SLC22A24: variants seen among roughly 807,000 people sequenced by gnomAD.
The protein encoded by SLC22A24 is steroid transmembrane transporter SLC22A24.
In SLC22A24, 53 loss-of-function variants were observed where a neutral mutation model predicts 49.8. The observed-to-expected ratio is 1.06, with a 90% CI of 0.85 to 1.34. The LOEUF (loss-of-function observed/expected upper bound fraction) is 1.34. Ranked by LOEUF, SLC22A24 falls within the 40% of genes most tolerant of loss-of-function variation. The pLI is 0.00. For missense variants in SLC22A24, 786 were observed against 675.9 expected, an observed-to-expected ratio of 1.16 and a Z score of -1.81; for synonymous variants, 302 against 256.4, an observed-to-expected ratio of 1.18 and a Z score of -1.70.
intron 6 of SLC22A24, among the ~76,000 whole-genome samples, chr11:63,086,983 G>T (rs1192553241): frequency 7.3e-6 from 1 of 136,940 alleles, no homozygotes; most frequent in African/African-American, 2.7e-5. Flanking sequence ...AAAAATGAAA[G>T]TTTGCAAAAA....
At chr11:63,113,233 T>TATATATACAC (rs1314616705) in intron 4 of SLC22A24, among the ~76,000 whole-genome samples, 1 of 134,022 alleles carries the variant, frequency 7.5e-6, no homozygotes, top group African/African-American at 2.8e-5. Context: ...TATATACATA[T>TATATATACAC]ATATATATAT....
chr11:63,141,294 G>T (rs953341389), intron 1 of SLC22A24, among the ~76,000 whole-genome samples: 2 of 152,126 alleles, frequency 1.3e-5, no homozygotes, highest in Admixed American at 6.6e-5. Context: ...ATAATGAAAG[G>T]GTTTTGTTTT....
intron 5 of SLC22A24, among the ~76,000 whole-genome samples, chr11:63,101,714 T>A (rs1565327576): frequency 6.6e-6 from 1 of 152,060 alleles, no homozygotes; most frequent in Non-Finnish European, 1.5e-5. Flanking sequence ...AATAAATTGA[T>A]AAAGAAAAGT....
At chr11:63,080,881 C>A in intron 9 of SLC22A24, 39 bp downstream of exon 9, 2 of 1,512,660 alleles carry the variant, frequency 1.3e-6, no homozygotes, top group Non-Finnish European at 1.8e-6. Context: ...CAGCACATAG[C>A]CACTCCCCAC....
chr11:63,121,429 G>T (rs1047346084), intron 2 of SLC22A24, among the ~76,000 whole-genome samples: 1 of 152,046 alleles, frequency 6.6e-6, no homozygotes, highest in Non-Finnish European at 1.5e-5. Context: ...GGAAAAAATT[G>T]TTGGGGGATC....
At chr11:63,080,508 C>G (rs2086952957) in intron 9 of SLC22A24, among the ~76,000 whole-genome samples, 1 of 152,222 alleles carries the variant, frequency 6.6e-6, no homozygotes, top group Middle Eastern at 3.2e-3. Context: ...GAGGCAATCT[C>G]ATTCCCTTTC....
intron 6 of SLC22A24, among the ~76,000 whole-genome samples, chr11:63,087,022 G>GCACACACA (rs150730400): frequency 8.3e-5 from 1 of 12,100 alleles, no homozygotes; most frequent in Non-Finnish European, 2.6e-4. Context: ...TGCCTGGAGG[G>GCACACACA]CGCACACACA....
chr11:63,112,612 C>T (rs1359551633), intron 4 of SLC22A24, among the ~76,000 whole-genome samples: 1 of 152,036 alleles, frequency 6.6e-6, no homozygotes, highest in Non-Finnish European at 1.5e-5. Context: ...TCTCTATCTC[C>T]TTCAGTTGTG....
rs1011846325 is a variant in SLC22A24 at position 63,082,350 on chromosome 11, T to A, written c.1286-684A>T. ...TGACACTGAAAATTCAAAAAGGTAC[T>A]TTTTCATCAATAAAAATATCAAAAT... On this transcript the variant is annotated intron_variant, in intron 7 of 9. Transcript: ENST00000612278. 5.9e-5 allele frequency among the ~76,000 whole-genome samples: 9 copies of A among 152,192 alleles called. No individual in the cohort carries two copies. In the East Asian group the frequency reaches 1.5e-3, roughly 26 times the overall value.
chr11:63,080,980 A>G lies in SLC22A24; in HGVS notation c.1538T>C (p.Leu513Pro). Residue 513 changes from leucine (L) to proline (P), a missense_variant, in exon 9 of 10, where the codon CTC becomes CCC. By Grantham distance (98) the Leu-to-Pro change is moderately conservative (BLOSUM62 -3). Coordinates refer to ENST00000612278, the MANE Select transcript of SLC22A24 (RefSeq NM_001136506.2). ...TAGATCCCTGGTTTCTGGAAGGAGG[A>G]GGATAACAGGGACAGCAAGGATGGG... ...VFPILAVPVILLLPETRDLPL... is the reference protein window; with the variant it reads ...VFPILAVPVIPLLPETRDLPL... 6.4e-7 allele frequency: 1 copy of G among 1,552,290 alleles called. No individual in the cohort carries two copies. The highest frequency in any genetic ancestry group is 8.7e-7 in the Non-Finnish European group (1 of 1,147,380).
intron 4 of SLC22A24, among the ~76,000 whole-genome samples, chr11:63,104,508 C>A (rs2087108919): frequency 6.6e-6 from 1 of 152,052 alleles, no homozygotes; most frequent in Non-Finnish European, 1.5e-5. Context: ...TTATACAGAA[C>A]CATGAGTGTG....
At chr11:63,080,856 C>G in intron 9 of SLC22A24, 64 bp downstream of exon 9, 2 of 1,407,504 alleles carry the variant, frequency 1.4e-6, no homozygotes, top group Non-Finnish European at 1.9e-6. Context: ...GTTGACCTTT[C>G]TCATTAAACA....
At chr11:63,082,183 C>T (rs1242196352) in intron 7 of SLC22A24, among the ~76,000 whole-genome samples, 10 of 151,988 alleles carry the variant, frequency 6.6e-5, no homozygotes, top group Non-Finnish European at 1.5e-4. Flanking sequence ...GATATTCTAC[C>T]ATATAGTAAG....
chr11:63,088,525 C>A (rs2087000796), intron 6 of SLC22A24, among the ~76,000 whole-genome samples: 1 of 152,092 alleles, frequency 6.6e-6, no homozygotes. Flanking sequence ...TGCCTCTTCT[C>A]TCCAATGATC....
chr11:63,131,184 G>A (rs535093480), intron 2 of SLC22A24, among the ~76,000 whole-genome samples: 96 of 151,766 alleles, frequency 6.3e-4, no homozygotes, highest in African/African-American at 2.3e-3. Flanking sequence ...ATGTGAGCTG[G>A]GTTTCCTGAG....
chr11:63,087,150 G>A (rs1392897284), intron 6 of SLC22A24, among the ~76,000 whole-genome samples: 4 of 151,598 alleles, frequency 2.6e-5, no homozygotes, highest in African/African-American at 9.7e-5. Flanking sequence ...GGGCCAAGAT[G>A]GCCAAGTGGG....
intron 4 of SLC22A24, among the ~76,000 whole-genome samples, chr11:63,108,224 G>C (rs1260490304): frequency 6.6e-6 from 1 of 152,122 alleles, no homozygotes; most frequent in African/African-American, 2.4e-5. Flanking sequence ...CTGTTTATGT[G>C]ATGGATTACA....
intron 2 of SLC22A24, among the ~76,000 whole-genome samples, chr11:63,133,889 C>T (rs117553016): frequency 6.6e-6 from 1 of 152,204 alleles, no homozygotes; most frequent in African/African-American, 2.4e-5. Context: ...AAGTGATTCA[C>T]CCACCTTGGC....
Position 63,119,293 on chromosome 11 carries a change from C to T in SLC22A24, c.549G>A (p.Leu183=). 9.0e-6 allele frequency: 14 copies of T among 1,550,906 alleles called. No individual in the cohort carries two copies. The highest frequency in any genetic ancestry group is 2.4e-5 in the South Asian group (2 of 83,854). Residue 183 remains leucine (L), a synonymous_variant, in exon 3 of 10, where the codon CTG becomes CTA. Coordinates refer to ENST00000612278, the MANE Select transcript of SLC22A24 (RefSeq NM_001136506.2). The stretch of plus-strand genomic sequence containing the variant: ...AGGCCGCACAGGTGTTAGAGATGGC[C>T]AGCTGGAGGAAACACAATTTGCATA... The part of the protein sequence containing the change: ...KIICKLCFLQ[L]AISNTCAAFA...
Sources: allele counts gnomAD v4.1 joint callset (sites outside exome capture counted in the v4.1 genomes callset), GRCh38; gene constraint gnomAD v4.1.1; transcripts MANE v1.5; gene names NCBI Gene and HGNC (gene_info 2026-07-23, HGNC 2026-07-21).